RPS6KA2: variants seen among roughly 807,000 people sequenced by gnomAD.
The protein encoded by RPS6KA2 is ribosomal protein S6 kinase alpha-2.
In RPS6KA2, 42 loss-of-function variants were observed where a neutral mutation model predicts 91.8. The observed-to-expected ratio is 0.46, with a 90% CI of 0.36 to 0.59. The LOEUF (loss-of-function observed/expected upper bound fraction) is 0.59, where lower values mean the gene tolerates loss of function less well. Among genes scored for constraint, RPS6KA2 ranks in the 20% least tolerant of loss-of-function variants. RPS6KA2 has a pLI of 0.00. For missense variants in RPS6KA2, 798 were observed against 978.5 expected (o/e 0.82, Z 2.46); for synonymous variants, 414 against 393.6 (o/e 1.05, Z -0.61).
At chr6:166,492,574 A>AC (rs1781630328) in intron 8 of RPS6KA2, among the ~76,000 whole-genome samples, 1 of 152,232 alleles carries the variant, frequency 6.6e-6, no homozygotes, top group South Asian at 2.1e-4. Context: ...CCTTCTGGCT[A>AC]CATGAAATGA....
chr6:166,676,449 G>A (rs1254646306), intron 2 of RPS6KA2, among the ~76,000 whole-genome samples: 1 of 152,194 alleles, frequency 6.6e-6, no homozygotes, highest in Admixed American at 6.5e-5. Flanking sequence ...ATCTCCGGAA[G>A]CGCAAGTCCA....
At chr6:166,759,169 T>C (rs1386061444) in intron 2 of RPS6KA2, among the ~76,000 whole-genome samples, 1 of 152,242 alleles carries the variant, frequency 6.6e-6, no homozygotes, top group African/African-American at 2.4e-5. Flanking sequence ...GGAGCTTTGG[T>C]CAGTCCTTCA....
chr6:166,676,939 CT>C (rs1562377366), intron 2 of RPS6KA2, among the ~76,000 whole-genome samples: 1 of 152,202 alleles, frequency 6.6e-6, no homozygotes, highest in African/African-American at 2.4e-5. Context: ...GAAAGGATTT[CT>C]TTAATGGTCC....
At chr6:166,683,539 AT>A in intron 2 of RPS6KA2, among the ~76,000 whole-genome samples, 1 of 152,352 alleles carries the variant, frequency 6.6e-6, no homozygotes, top group Admixed American at 6.5e-5. Flanking sequence ...AATAAGTCAG[AT>A]TTTACTGGGA....
At chr6:166,570,616 ACAG>A (rs1248152737) in intron 1 of RPS6KA2, among the ~76,000 whole-genome samples, 9 of 152,342 alleles carry the variant, frequency 5.9e-5, no homozygotes, top group Admixed American at 5.9e-4. Flanking sequence ...TAAAATAAAT[ACAG>A]CAGATCTAAT....
intron 1 of RPS6KA2, among the ~76,000 whole-genome samples, chr6:166,591,718 T>C (rs1274881790): frequency 6.6e-6 from 1 of 152,222 alleles, no homozygotes; most frequent in African/African-American, 2.4e-5. Context: ...CCTCCAGGAC[T>C]GTGAGAGCAT....
At chr6:166,592,889 C>T (rs1009371567) in intron 1 of RPS6KA2, among the ~76,000 whole-genome samples, 4 of 152,134 alleles carry the variant, frequency 2.6e-5, no homozygotes, top group Admixed American at 6.5e-5. Flanking sequence ...CATTAGACAT[C>T]GGAGACCAAA....
chr6:166,459,620 A>T lies in RPS6KA2; in HGVS notation c.973-69T>A. Reference sequence around the variant, plus strand: ...GACATTGCCACAGAACACTGGGGACAGAGAAACCTGCTGTGGGGAGGGAAG... The same window carrying T: ...GACATTGCCACAGAACACTGGGGACTGAGAAACCTGCTGTGGGGAGGGAAG... On this transcript the variant is annotated intron_variant, in intron 11 of 20. Coordinates refer to ENST00000265678, the MANE Select transcript of RPS6KA2 (RefSeq NM_021135.6). This position sits in a 1 kb window ranked among gnomAD's most constrained non-coding sequence, Gnocchi z 4.9. The T allele has an allele frequency of 9.1e-7, 1 of 1,104,130 alleles. No individual in the cohort carries two copies. 68.4% of individuals were successfully genotyped at this position (1,104,130 alleles called of 1,614,324 possible).
chr6:166,499,645 C>A (rs1256469839), intron 7 of RPS6KA2, among the ~76,000 whole-genome samples: 1 of 152,242 alleles, frequency 6.6e-6, no homozygotes, highest in Non-Finnish European at 1.5e-5. Context: ...TCTCCTCCTT[C>A]TCCTTCTGCC....
intron 1 of RPS6KA2, chr6:166,858,313 T>A: frequency 9.8e-7 from 1 of 1,020,780 alleles, no homozygotes; most frequent in Admixed American, 2.0e-5. Flanking sequence ...TGTTTGTAGG[T>A]GGCCTCATAC....
upstream of RPS6KA2, among the ~76,000 whole-genome samples, chr6:166,628,744 G>A (rs1482299709): frequency 6.6e-6 from 1 of 152,208 alleles, no homozygotes. Flanking sequence ...TCTCTAAGAG[G>A]AAAATACGAG....
At chr6:166,586,840 A>G (rs1785191131) in intron 1 of RPS6KA2, among the ~76,000 whole-genome samples, 1 of 152,202 alleles carries the variant, frequency 6.6e-6, no homozygotes, top group Admixed American at 6.5e-5. Flanking sequence ...AGAGGGAGCC[A>G]ACAGCTTTCA....
intron 2 of RPS6KA2, among the ~76,000 whole-genome samples, chr6:166,766,749 G>T: frequency 6.6e-6 from 1 of 152,264 alleles, no homozygotes; most frequent in East Asian, 1.9e-4. Context: ...AGTGACTCAA[G>T]TAACTACAGG....
intron 2 of RPS6KA2, among the ~76,000 whole-genome samples, chr6:166,640,814 T>G (rs1582975143): frequency 7.2e-6 from 1 of 139,058 alleles, no homozygotes; most frequent in Non-Finnish European, 1.6e-5. Context: ...CCAAGCAGGG[T>G]GTGGGGGGTC....
intron 11 of RPS6KA2, among the ~76,000 whole-genome samples, chr6:166,467,057 G>T (rs28368379): frequency 1.7e-5 from 2 of 120,502 alleles, no homozygotes; most frequent in Non-Finnish European, 3.5e-5. Context: ...CTCACTCATT[G>T]ACTCACTGAC....
intron 10 of RPS6KA2, among the ~76,000 whole-genome samples, chr6:166,483,377 G>A (rs952684325): frequency 3.3e-5 from 5 of 152,212 alleles, no homozygotes; most frequent in Admixed American, 1.3e-4. Context: ...AGCTGGGGCC[G>A]TGGCCTCCTG....
intron 12 of RPS6KA2, among the ~76,000 whole-genome samples, chr6:166,453,217 A>ACT (rs1235728893): frequency 7.5e-5 from 11 of 146,970 alleles, no homozygotes; most frequent in Admixed American, 6.9e-4. Context: ...ACACACACAC[A>ACT]CACACACACA....
intron 10 of RPS6KA2, among the ~76,000 whole-genome samples, chr6:166,487,816 G>T (rs767896037): frequency 6.6e-6 from 1 of 152,196 alleles, no homozygotes; most frequent in African/African-American, 2.4e-5. Context: ...TAAGATCACA[G>T]TTATACTTCA....
At chr6:166,816,987 G>A (rs1779782560) in intron 2 of RPS6KA2, among the ~76,000 whole-genome samples, 1 of 152,150 alleles carries the variant, frequency 6.6e-6, no homozygotes, top group Non-Finnish European at 1.5e-5. Flanking sequence ...ACACATTTCT[G>A]GAGGCTTTCT....
Sources: gnomAD v4.1 joint callset for allele counts (sites outside exome capture counted in the v4.1 genomes callset) on GRCh38, gnomAD v4.1.1 for gene constraint, Gnocchi (gnomAD v3.1) non-coding constraint, MANE v1.5 for transcripts, NCBI Gene and HGNC (gene_info 2026-07-23, HGNC 2026-07-21) for gene names.